UTP25: variants seen among roughly 807,000 people sequenced by gnomAD.
UTP25 encodes UTP25 small subunit processome component.
Under a neutral mutation model 78.9 loss-of-function variants are expected in UTP25, and 50 were observed. The ratio of observed to expected loss-of-function variants is 0.63; its 90% CI spans 0.50 to 0.80. UTP25 has a LOEUF of 0.80. Ranked by LOEUF, UTP25 falls within the 30% of genes least tolerant of loss-of-function variation. The pLI, the probability that UTP25 is intolerant of heterozygous loss-of-function variation, is 0.00. For synonymous variants in UTP25, 329 were observed against 336.5 expected, an observed-to-expected ratio of 0.98 and a Z score of 0.24; for missense variants, 846 against 911.3, an observed-to-expected ratio of 0.93 and a Z score of 0.92.
rs2078279289 is a variant in UTP25, at chr1:209,856,728, G to C, written c.*5281G>C. 1 of 152,186 alleles carries C rather than the reference G, an allele frequency of 6.6e-6. No individual in the cohort carries two copies. Among genetic ancestry groups the C allele is most frequent in the Non-Finnish European group, 1.5e-5 (1 of 68,048 alleles). The allele number at this position is 152,186 out of a possible 1,614,324, so 9.4% of individuals were successfully genotyped here. On this transcript the variant is annotated 3_prime_UTR_variant, in exon 12 of 12. Transcript: ENST00000491415. ...CTGCCTATTCTTTCGTCTGTTCTTG[G>C]CAAGCACCAACATTGAGACTGTACT...
rs1319421962 is a variant in UTP25 at position 209,857,532 on chromosome 1, A to G, written c.*6085A>G. The G allele has an allele frequency of 6.6e-6, 1 of 152,176 alleles. No homozygotes were observed. The highest frequency in any genetic ancestry group is 2.4e-5 in the African/African-American group (1 of 41,436). The allele number at this position is 152,176 out of a possible 1,614,324, so 9.4% of individuals were successfully genotyped here. On this transcript the variant is annotated 3_prime_UTR_variant, in exon 12 of 12. Transcript: ENST00000491415. Reference sequence around the variant, plus strand: ...CAACAATGTGTGTGTATGTATATATATGCTTTTGCATTAAAAGGTGGTTTT... The same window carrying G: ...CAACAATGTGTGTGTATGTATATATGTGCTTTTGCATTAAAAGGTGGTTTT...
intron 11 of UTP25, chr1:209,844,461 T>C (rs2102578881): frequency 6.6e-6 from 1 of 152,224 alleles, no homozygotes; most frequent in East Asian, 1.9e-4. Context: ...TGAAACCCCG[T>C]TTCTACTAAA....
rs1224274927 is a variant in UTP25, at chr1:209,839,077, G to A, written c.1231G>A (p.Glu411Lys). The change falls in exon 7 of 12, where the codon GAG becomes AAG. Residue 411 changes from glutamate to lysine, a missense_variant. Glu to Lys is a moderately conservative substitution (Grantham distance 56, BLOSUM62 1). Transcript: ENST00000491415. ...EERPPNLKRP[E>K]DYEAVFVGNI... Reference sequence around the variant, plus strand: ...GAGACCACCCAACTTGAAGAGGCCTGAGGATTATGAAGCCGTATTTGTGGG... The same window carrying A: ...GAGACCACCCAACTTGAAGAGGCCTAAGGATTATGAAGCCGTATTTGTGGG... The A allele has an allele frequency of 1.4e-5, 23 of 1,614,032 alleles. No homozygotes were observed. Among genetic ancestry groups the A allele is most frequent in the Non-Finnish European group, 1.7e-5 (20 of 1,179,912 alleles).
chr1:209,842,991 T>C (rs913558883), intron 10 of UTP25: 7 of 379,714 alleles, frequency 1.8e-5, no homozygotes, highest in African/African-American at 1.5e-4. Flanking sequence ...AAGTGTCTCA[T>C]GTCAGCAAGT....
intron 8 of UTP25, among the ~76,000 whole-genome samples, chr1:209,841,433 A>G (rs1241776022): frequency 2.0e-5 from 3 of 152,158 alleles, no homozygotes; most frequent in Non-Finnish European, 4.4e-5. Flanking sequence ...GTTTTTGCTT[A>G]TGCTGTTTTG....
chr1:209,849,026 GC>G (rs2078214191), intron 11 of UTP25, among the ~76,000 whole-genome samples: 1 of 152,068 alleles, frequency 6.6e-6, no homozygotes, highest in African/African-American at 2.4e-5. Context: ...TGATTGCTCA[GC>G]TGTCACTGAG....
Position 209,843,639 on chromosome 1 carries a change from T to G in UTP25, c.1970T>G (p.Phe657Cys). 2 of 1,614,160 alleles carry G rather than the reference T, an allele frequency of 1.2e-6. No homozygotes were observed. Among genetic ancestry groups the G allele is most frequent in the Non-Finnish European group, 1.7e-6 (2 of 1,179,990 alleles). ...KSGVSRARHF[F>C]LQGEKQFLLF... ...GGTGTCTCCAGGGCCAGACACTTCT[T>G]CCTTCAAGGAGAGAAACAGTTTCTA... Residue 657 changes from phenylalanine (F) to cysteine (C), a missense_variant, in exon 11 of 12, where the codon TTC becomes TGC. Phe to Cys is a radical substitution (Grantham distance 205, BLOSUM62 -2). Coordinates refer to ENST00000491415, the MANE Select transcript of UTP25 (RefSeq NM_014388.7).
intron 11 of UTP25, among the ~76,000 whole-genome samples, chr1:209,850,201 G>T (rs2102583410): frequency 6.6e-6 from 1 of 152,312 alleles, no homozygotes; most frequent in African/African-American, 2.4e-5. Flanking sequence ...ATTCTAAGCA[G>T]AAGTAGAACT....
intron 11 of UTP25, among the ~76,000 whole-genome samples, chr1:209,848,269 C>T (rs1177409607): frequency 6.6e-6 from 1 of 152,168 alleles, no homozygotes; most frequent in East Asian, 1.9e-4. Flanking sequence ...GGGAATATTA[C>T]GTACTTTCTA....
In UTP25 at chr1:209,836,774, T is replaced by A. The variant is rs575622401; in HGVS notation, c.652-27T>A. 4.5e-6 allele frequency: 7 copies of A among 1,554,942 alleles called. No homozygotes were observed. In the Middle Eastern group the frequency reaches 5.2e-4, roughly 116 times the overall value. ...TAATTTACTGTTATTCATTTCTAAT[T>A]TGGCTCTTGATCTGTTTCTCCCCTA... On this transcript the variant is annotated intron_variant, in intron 5 of 11. Transcript: ENST00000491415.
At chr1:209,834,515 T>A (rs897044038) in intron 4 of UTP25, among the ~76,000 whole-genome samples, 8 of 152,220 alleles carry the variant, frequency 5.3e-5, no homozygotes, top group African/African-American at 1.7e-4. Flanking sequence ...CCTTGCAGTC[T>A]GCTAGATAAG....
chr1:209,854,314 CTT>C lies in UTP25; in HGVS notation c.*2870_*2871del, dbSNP rs951222276. ...CATAGTTAAAACAACCAGCTTAGCA[CTT>C]TTCTTTTTGAGAGAGAAAAAGCTTT... On this transcript the variant is annotated 3_prime_UTR_variant, in exon 12 of 12. Coordinates refer to ENST00000491415, the MANE Select transcript of UTP25 (RefSeq NM_014388.7). The C allele has an allele frequency of 6.8e-6, 1 of 148,082 alleles. No individual in the cohort carries two copies. Among genetic ancestry groups the C allele is most frequent in the Non-Finnish European group, 1.5e-5 (1 of 66,096 alleles). 9.2% of individuals were successfully genotyped at this position (148,082 alleles called of 1,614,324 possible).
chr1:209,838,189 CAT>C (rs1005440346), intron 6 of UTP25, among the ~76,000 whole-genome samples: 1 of 152,192 alleles, frequency 6.6e-6, no homozygotes, highest in African/African-American at 2.4e-5. Context: ...ATCTATGAAA[CAT>C]ATTATAATTT....
In UTP25 at chr1:209,852,187, T is replaced by C. The variant is rs2078244921; in HGVS notation, c.*740T>C. On this transcript the variant is annotated 3_prime_UTR_variant, in exon 12 of 12. Transcript: ENST00000491415. ...AGTCATTTTTTCAGTCATAAACAGA[T>C]GCAAATAAAAAGGAAATTACACTTT... is the stretch of plus-strand genomic sequence containing the variant. 1 of 152,214 alleles carries C rather than the reference T, an allele frequency of 6.6e-6. No individual in the cohort carries two copies. The highest frequency in any genetic ancestry group is 2.1e-4 in the South Asian group (1 of 4,836). The allele number at this position is 152,214 out of a possible 1,614,324, so 9.4% of individuals were successfully genotyped here.
chr1:209,835,316 A>G (rs2078127025), intron 5 of UTP25, among the ~76,000 whole-genome samples, 153 bp downstream of exon 5: 2 of 152,190 alleles, frequency 1.3e-5, no homozygotes, highest in Non-Finnish European at 2.9e-5. Context: ...AGAAGAGCCT[A>G]GTGGGGCACA....
At chr1:209,831,985 T>C (rs542378534) in intron 3 of UTP25, among the ~76,000 whole-genome samples, 48 of 144,008 alleles carry the variant, frequency 3.3e-4, no homozygotes, top group African/African-American at 1.2e-3. Flanking sequence ...ATTTTTCTTA[T>C]AGCCTTATTT....
Position 209,843,701 on chromosome 1 carries a change from A to G in UTP25, c.2027+5A>G, listed in dbSNP as rs2078180519. 1.9e-6 allele frequency: 3 copies of G among 1,611,180 alleles called. No individual in the cohort carries two copies. Among genetic ancestry groups the G allele is most frequent in the Non-Finnish European group, 2.5e-6 (3 of 1,177,954 alleles). The stretch of plus-strand genomic sequence containing the variant: ...GCGCTTCCATTTCTACAAAAGGTAA[A>G]GTGGTGCCAGGTTTCAAGCCTCCTC... On this transcript the variant is annotated splice_donor_5th_base_variant and intron_variant, in intron 11 of 11. Coordinates refer to ENST00000491415, the MANE Select transcript of UTP25 (RefSeq NM_014388.7).
In UTP25 at chr1:209,856,802, T is replaced by C. The variant is rs1221228696; in HGVS notation, c.*5355T>C. The C allele has an allele frequency of 1.3e-5, 2 of 152,234 alleles. No individual in the cohort carries two copies. The highest frequency in any genetic ancestry group is 2.9e-5 in the Non-Finnish European group (2 of 68,042). The allele number at this position is 152,234 out of a possible 1,614,324, so 9.4% of individuals were successfully genotyped here. ...GTGGCGTGAGGAGTGGGCACTCACA[T>C]GTCTCTGCTAGCAGTTCTGACGTGT... On this transcript the variant is annotated 3_prime_UTR_variant, in exon 12 of 12. Coordinates refer to ENST00000491415, the MANE Select transcript of UTP25 (RefSeq NM_014388.7).
chr1:209,842,640 C>T lies in UTP25; in HGVS notation c.1726C>T (p.Pro576Ser), dbSNP rs148819741. 3.1e-6 allele frequency: 5 copies of T among 1,613,720 alleles called. No individual in the cohort carries two copies. The African/African-American group carries it at 5.3e-5, about 17-fold the overall frequency. Residue 576 changes from proline (P) to serine (S), a missense_variant, in exon 10 of 12, where the codon CCA becomes TCA. By Grantham distance (74) the Pro-to-Ser change is moderately conservative. Transcript: ENST00000491415. Reference protein sequence around the residue: ...GSISHVLVQLPHVFQRMEAEN... With the variant: ...GSISHVLVQLSHVFQRMEAEN... ...TATCAGTCATGTCCTGGTGCAGCTC[C>T]CACATGTCTTCCAGAGGATGGAAGC...
Sources: allele counts gnomAD v4.1 joint callset (sites outside exome capture counted in the v4.1 genomes callset), GRCh38; gene constraint gnomAD v4.1.1; transcripts MANE v1.5; gene names NCBI Gene and HGNC (gene_info 2026-07-23, HGNC 2026-07-21).